Variants in TIAM2 observed in about 807,000 individuals in gnomAD.
TIAM2 encodes the protein TIAM Rac1 associated GEF 2.
In TIAM2, 80 loss-of-function variants were observed where a neutral mutation model predicts 152.9. The ratio of observed to expected loss-of-function variants is 0.52; its 90% CI spans 0.44 to 0.63. The LOEUF (loss-of-function observed/expected upper bound fraction) is 0.63. TIAM2 is among the 30% of genes least tolerant of loss of function. The pLI is 0.00. For synonymous variants in TIAM2, 804 were observed against 838.0 expected (o/e 0.96, Z 0.70); for missense variants, 1,965 against 2,120.1 (o/e 0.93, Z 1.44).
At chr6:155,112,125 CT>C (rs34148436) in intron 2 of TIAM2, among the ~76,000 whole-genome samples, 1,900 of 131,370 alleles carry the variant, frequency 0.014, 36 homozygotes, top group African/African-American at 0.048. Flanking sequence ...TTGGTTTCCT[CT>C]TTTTTTTTTT....
chr6:155,067,124 G>T (rs1777710838), intron 1 of TIAM2, among the ~76,000 whole-genome samples: 1 of 152,120 alleles, frequency 6.6e-6, no homozygotes, highest in African/African-American at 2.4e-5. Flanking sequence ...GGTCTTTGTG[G>T]TACAGCCGCA....
At position 155,084,456 on chromosome 6, in the gene TIAM2, C is replaced by T. The variant is rs145019581; in HGVS notation, c.-208-5833C>T. Among the ~76,000 whole-genome samples, 392 of 152,286 alleles carry T rather than the reference C, an allele frequency of 2.6e-3. 1 individual carries two copies. Among genetic ancestry groups the T allele is most frequent in the African/African-American group, 8.7e-3 (360 of 41,546 alleles). On this transcript the variant is annotated intron_variant, in intron 1 of 26. Transcript: ENST00000682666. The stretch of plus-strand genomic sequence containing the variant: ...TATCCTTGAGTTTTGTCACTGGATA[C>T]GTGAACCCTTGTGGGACTCCCAGGA...
chr6:155,206,514 T>C (rs11156016), intron 14 of TIAM2, among the ~76,000 whole-genome samples: 39,091 of 152,100 alleles, frequency 0.26, 5,329 homozygotes, highest in East Asian at 0.49. Flanking sequence ...GGATTACAGG[T>C]GTGAACCACT....
chr6:155,176,351 A>C (rs1253650256), intron 9 of TIAM2, among the ~76,000 whole-genome samples: 1 of 152,188 alleles, frequency 6.6e-6, no homozygotes, highest in East Asian at 1.9e-4. Context: ...CTTCTGCCTC[A>C]GCTTCCCAAG....
At chr6:155,051,808 C>G (rs940855047) in intron 1 of TIAM2, among the ~76,000 whole-genome samples, 1 of 152,088 alleles carries the variant, frequency 6.6e-6, no homozygotes, top group Non-Finnish European at 1.5e-5. Flanking sequence ...CCACGCCCAG[C>G]TAATTTTTTT....
intron 7 of TIAM2, chr6:155,149,239 G>A (rs1202246358): frequency 1.8e-5 from 3 of 167,150 alleles, no homozygotes; most frequent in East Asian, 1.9e-4. Context: ...GAGTTACCAC[G>A]AGGGGATCTG....
chr6:155,196,071 G>A (rs897764781), intron 14 of TIAM2, among the ~76,000 whole-genome samples: 1 of 152,172 alleles, frequency 6.6e-6, no homozygotes, highest in African/African-American at 2.4e-5. Context: ...TGCTGAAAAT[G>A]GACTGAAGGA....
At chr6:155,030,891 G>A (rs61106178) in intron 1 of TIAM2, among the ~76,000 whole-genome samples, 4,400 of 152,142 alleles carry the variant, frequency 0.029, 238 homozygotes, top group African/African-American at 0.1. Context: ...ACTGTCTCTC[G>A]TTAGAAGACT....
At chr6:155,254,370 C>T (rs371947557) in intron 25 of TIAM2, 49 bp from the exon 26 acceptor site, 143 of 1,593,118 alleles carry the variant, frequency 9.0e-5, no homozygotes, top group Middle Eastern at 5.0e-4. Context: ...AATGGAAGCA[C>T]GATGAACACT....
rs754587537 is a variant in TIAM2, at chr6:155,137,409, T to A, written c.1427T>A (p.Ile476Lys). The A allele has an allele frequency of 6.2e-7, 1 of 1,614,164 alleles. No homozygotes were observed. The highest frequency in any genetic ancestry group is 8.5e-7 in the Non-Finnish European group (1 of 1,180,012). The stretch of plus-strand genomic sequence containing the variant: ...ATGAGCAGGACCAACACTGAGAACA[T>A]AGAAACATCTACAGAAACCGCCGAG... Reference protein sequence around the residue: ...LEMSRTNTENIETSTETAESS... With the variant: ...LEMSRTNTENKETSTETAESS... The change falls in exon 5 of 27, where the codon ATA becomes AAA. Residue 476 changes from isoleucine (I) to lysine (K), a missense_variant. Around this residue, in one of 3 missense-constraint regions of TIAM2, gnomAD observed 1,025 missense variants for 1,119.4 expected, o/e 0.92. Transcript: ENST00000682666.
intron 21 of TIAM2, among the ~76,000 whole-genome samples, 186 bp downstream of exon 21, chr6:155,250,155 G>C (rs191516036): frequency 1.3e-5 from 2 of 152,210 alleles, no homozygotes; most frequent in Admixed American, 6.5e-5. Context: ...TCATTACACT[G>C]GTTTAAAATA....
chr6:155,109,784 ACC>A lies in TIAM2; in HGVS notation c.-117-17704_-117-17703del, dbSNP rs1778792057. Among the ~76,000 whole-genome samples, 5 of 152,226 alleles carry A rather than the reference ACC, an allele frequency of 3.3e-5. No individual in the cohort carries two copies. The South Asian group carries it at 8.3e-4, about 25-fold the overall frequency. ...TCCGAAGCCACAGAGATGGTTAGTT[ACC>A]CAGCTGGAAGGAAATTCCAGGTATC... is the stretch of plus-strand genomic sequence containing the variant. On this transcript the variant is annotated intron_variant, in intron 2 of 26. Transcript: ENST00000682666.
intron 2 of TIAM2, among the ~76,000 whole-genome samples, chr6:155,115,630 G>A (rs1052534999): frequency 7.2e-5 from 11 of 152,174 alleles, no homozygotes; most frequent in African/African-American, 1.4e-4. Context: ...TCCAGCCTGC[G>A]TGATAGAGCA....
intron 2 of TIAM2, among the ~76,000 whole-genome samples, chr6:155,114,693 C>A (rs11156013): frequency 0.36 from 55,063 of 151,820 alleles, 10,641 homozygotes; most frequent in Admixed American, 0.55. Flanking sequence ...TTTATTCTTA[C>A]CTCTTCATCC....
At chr6:155,254,120 G>A in intron 25 of TIAM2, 60 bp downstream of exon 25, 1 of 1,544,712 alleles carries the variant, frequency 6.5e-7, no homozygotes, top group Non-Finnish European at 8.8e-7. Context: ...TGTCTCTTAA[G>A]GGAATTTATA....
At chr6:155,136,789 T>G (rs993235065) in intron 4 of TIAM2, among the ~76,000 whole-genome samples, 1 of 152,190 alleles carries the variant, frequency 6.6e-6, no homozygotes, top group Non-Finnish European at 1.5e-5. Context: ...AAAAATAAAT[T>G]GCAAGAATAT....
In TIAM2 at chr6:155,183,438, C is replaced by G; in HGVS notation, c.3002C>G (p.Pro1001Arg). 6.2e-7 allele frequency: 1 copy of G among 1,614,144 alleles called. No individual in the cohort carries two copies. Among genetic ancestry groups the G allele is most frequent in the Non-Finnish European group, 8.5e-7 (1 of 1,180,022 alleles). ...FSRDQKSLLPPPNQSQLLEEF... is the reference protein window; with the variant it reads ...FSRDQKSLLPRPNQSQLLEEF... The stretch of plus-strand genomic sequence containing the variant: ...AGGGACCAGAAGAGTCTGCTGCCCC[C>G]TCCTAACCAGTCCCAACTGCTGGAG... The change falls in exon 14 of 27, where the codon CCT becomes CGT. Residue 1001 changes from proline (P) to arginine (R), a missense_variant. This residue lies in a region of TIAM2 where 935 missense variants were observed against 980.0 expected (regional missense o/e 0.95). Coordinates refer to ENST00000682666, the MANE Select transcript of TIAM2 (RefSeq NM_012454.4).
intron 20 of TIAM2, 105 bp downstream of exon 20, chr6:155,248,284 C>T (rs1226209320): frequency 2.1e-5 from 27 of 1,300,792 alleles, no homozygotes; most frequent in South Asian, 4.5e-5. Flanking sequence ...CCTAGTGGCA[C>T]GTCCTAAGTC....
chr6:155,222,679 G>A (rs999105543), intron 15 of TIAM2, among the ~76,000 whole-genome samples: 1 of 151,150 alleles, frequency 6.6e-6, no homozygotes, highest in Non-Finnish European at 1.5e-5. Flanking sequence ...CTGAGGAGCC[G>A]TTTCTTCATC....
Sources: gnomAD v4.1 joint callset for allele counts (sites outside exome capture counted in the v4.1 genomes callset) on GRCh38, gnomAD v4.1.1 for gene constraint, gnomAD v4.1.1 regional missense constraint, MANE v1.5 for transcripts, NCBI Gene and HGNC (gene_info 2026-07-23, HGNC 2026-07-21) for gene names.